The following KCNH4 variants were observed in gnomAD, a reference collection of about 807,000 sequenced individuals.
KCNH4 encodes potassium voltage-gated channel subfamily H member 4.
A neutral mutation model predicts 90.7 loss-of-function variants in KCNH4; 33 were observed. The observed-to-expected ratio is 0.36, with a 90% CI of 0.28 to 0.49. The LOEUF (loss-of-function observed/expected upper bound fraction) is 0.49. Ranked by LOEUF, KCNH4 falls within the 20% of genes least tolerant of loss-of-function variation. KCNH4 has a pLI of 0.98. For synonymous variants in KCNH4, 551 were observed against 581.7 expected, an observed-to-expected ratio of 0.95 and a Z score of 0.76; for missense variants, 1,044 against 1,387.1, an observed-to-expected ratio of 0.75 and a Z score of 3.93.
chr17:42,160,639 C>T (rs1385181453), intron 15 of KCNH4, among the ~76,000 whole-genome samples: 4 of 152,152 alleles, frequency 2.6e-5, no homozygotes, highest in Non-Finnish European at 5.9e-5. Context: ...TATTGCTATT[C>T]CTCCCCTACA....
rs538060804 is a variant in KCNH4 at position 42,180,489 on chromosome 17, G to A, written c.76+381C>T. On this transcript the variant is annotated intron_variant, in intron 1 of 16. Coordinates refer to ENST00000264661, the MANE Select transcript of KCNH4 (RefSeq NM_012285.3). The surrounding 1 kb of genome is among the most constrained non-coding windows in gnomAD (Gnocchi z 4.7). ...TTTTTTCTGGAGGTAGTGGGAGCTG[G>A]AGTCTGTGAGTAGACCCCAGAATGC... 6.6e-6 allele frequency among the ~76,000 whole-genome samples: 1 copy of A among 152,122 alleles called. No homozygotes were observed. The highest frequency in any genetic ancestry group is 1.5e-5 in the Non-Finnish European group (1 of 67,980).
In KCNH4 at chr17:42,165,630, T is replaced by A; in HGVS notation, c.1904A>T (p.Asp635Val). The change falls in exon 11 of 17, where the codon GAC becomes GTC. Residue 635 changes from aspartate to valine, a missense_variant. Asp to Val is a radical substitution (Grantham distance 152). Transcript: ENST00000264661. ...EPGQEPGLGADPNFVLKTSAD... is the reference protein window; with the variant it reads ...EPGQEPGLGAVPNFVLKTSAD... Reference sequence around the variant, plus strand: ...ACTGGTCTTTAGCACGAAGTTTGGGTCTGCTCCCAACCCAGGCTCCTGCCC... The same window carrying A: ...ACTGGTCTTTAGCACGAAGTTTGGGACTGCTCCCAACCCAGGCTCCTGCCC... The A allele has an allele frequency of 6.2e-7, 1 of 1,614,142 alleles. No homozygotes were observed.
At chr17:42,175,791 G>A (rs1485929563) in intron 5 of KCNH4, 55 bp from the exon 6 acceptor site, 54 of 1,596,678 alleles carry the variant, frequency 3.4e-5, no homozygotes, top group Non-Finnish European at 4.2e-5. Context: ...TCAAGAAACC[G>A]ACAAAGCTGG....
rs2079762167 is a variant in KCNH4, at chr17:42,163,387, G to A, written c.2478-53C>T. On this transcript the variant is annotated intron_variant, in intron 13 of 16. Coordinates refer to ENST00000264661, the MANE Select transcript of KCNH4 (RefSeq NM_012285.3). This position sits in a 1 kb window ranked among gnomAD's most constrained non-coding sequence, Gnocchi z 5.4. ...CCATGGGGTGAGGGTAAGGGCCAGA[G>A]CAGAGCAGACAGAGGGGGACTGGGG... 7.4e-7 allele frequency: 1 copy of A among 1,346,184 alleles called. No individual in the cohort carries two copies. The highest frequency in any genetic ancestry group is 1.1e-6 in the Non-Finnish European group (1 of 945,046). 83.4% of individuals were successfully genotyped at this position (1,346,184 alleles called of 1,614,324 possible).
Position 42,160,124 on chromosome 17 carries a change from T to C in KCNH4, c.2970A>G (p.Gly990=), listed in dbSNP as rs2079735003. Residue 990 remains glycine (G), a synonymous_variant, in exon 16 of 17, where the codon GGA becomes GGG. Coordinates refer to ENST00000264661, the MANE Select transcript of KCNH4 (RefSeq NM_012285.3). ...GTGAGGCCTCTGGCACTGGAGAGGG[T>C]CCCAGAGGGTCAGGCTCTGAGGGGT... ...PPYPSEPDPL[G]PSPVPEASPP... 3.1e-6 allele frequency: 5 copies of C among 1,603,268 alleles called. No individual in the cohort carries two copies. The highest frequency in any genetic ancestry group is 4.3e-6 in the Non-Finnish European group (5 of 1,173,968).
In KCNH4 at chr17:42,169,964, A is replaced by G; in HGVS notation, c.1390+143T>C. On this transcript the variant is annotated intron_variant, in intron 8 of 16. Coordinates refer to ENST00000264661, the MANE Select transcript of KCNH4 (RefSeq NM_012285.3). Reference sequence around the variant, plus strand: ...CAGGGCCAGCACATAGTGGGCACTCAGGAAACGTCCGTGAATGAATGCGTG... The same window carrying G: ...CAGGGCCAGCACATAGTGGGCACTCGGGAAACGTCCGTGAATGAATGCGTG... The G allele has an allele frequency of 1.5e-5, 14 of 914,234 alleles. No individual in the cohort carries two copies. In the South Asian group the frequency reaches 2.4e-4, roughly 16 times the overall value. 56.6% of individuals were successfully genotyped at this position (914,234 alleles called of 1,614,324 possible).
intron 1 of KCNH4, 125 bp from the exon 2 acceptor site, chr17:42,179,151 G>T (rs2079884817): frequency 1.5e-6 from 1 of 650,832 alleles, no homozygotes. Flanking sequence ...TTTCCATGTT[G>T]CTCCTGACCC....
intron 7 of KCNH4, 50 bp from the exon 8 acceptor site, chr17:42,170,351 A>G: frequency 1.3e-6 from 2 of 1,503,846 alleles, no homozygotes; most frequent in South Asian, 1.2e-5. Context: ...GCGGTGGAGA[A>G]CCAGGGTTCC....
At chr17:42,166,658 T>C in intron 9 of KCNH4, 112 bp from the exon 10 acceptor site, 1 of 1,372,156 alleles carries the variant, frequency 7.3e-7, no homozygotes, top group Non-Finnish European at 9.9e-7. Context: ...TGCTTTGAAG[T>C]CACCCATTCC....
rs751064047 is a variant in KCNH4 at position 42,163,962 on chromosome 17, C to G, written c.2125-4G>C. 2.8e-5 allele frequency: 43 copies of G among 1,530,318 alleles called. No individual in the cohort carries two copies. Among genetic ancestry groups the G allele is most frequent in the Non-Finnish European group, 3.7e-5 (42 of 1,139,324 alleles). The allele number at this position is 1,530,318 out of a possible 1,614,324, so 94.8% of individuals were successfully genotyped here. On this transcript the variant is annotated splice_polypyrimidine_tract_variant and splice_region_variant and intron_variant, in intron 12 of 16. Coordinates refer to ENST00000264661, the MANE Select transcript of KCNH4 (RefSeq NM_012285.3). This position sits in a 1 kb window ranked among gnomAD's most constrained non-coding sequence, Gnocchi z 5.4. ...AGCCGAGGCTTTCTGAGCGGGGCTG[C>G]GGGCAGAGGGGGCAGCTGATGTCGC...
In KCNH4 at chr17:42,170,147, G is replaced by C; in HGVS notation, c.1350C>G (p.Asp450Glu). 6.2e-7 allele frequency: 1 copy of C among 1,613,148 alleles called. No individual in the cohort carries two copies. Residue 450 changes from aspartate to glutamate, a missense_variant, in exon 8 of 17, where the codon GAC becomes GAG. Asp to Glu is a conservative substitution (Grantham distance 45). Coordinates refer to ENST00000264661, the MANE Select transcript of KCNH4 (RefSeq NM_012285.3). ...VGFGNVCANT[D>E]AEKIFSICTM... Reference sequence around the variant, plus strand: ...TGCAGATGGAGAAGATCTTCTCCGCGTCGGTGTTGGCACACACGTTGCCAA... The same window carrying C: ...TGCAGATGGAGAAGATCTTCTCCGCCTCGGTGTTGGCACACACGTTGCCAA...
At position 42,178,964 on chromosome 17, in the gene KCNH4, C is replaced by A. The variant is rs1470099665; in HGVS notation, c.139G>T (p.Asp47Tyr). The A allele has an allele frequency of 1.2e-6, 2 of 1,614,092 alleles. No individual in the cohort carries two copies. Among genetic ancestry groups the A allele is most frequent in the South Asian group, 1.1e-5 (1 of 91,088 alleles). ...TRGFPIVYCSDGFCELTGYGR... is the reference protein window; with the variant it reads ...TRGFPIVYCSYGFCELTGYGR... ...TAGCCTGTGAGCTCGCAGAAGCCGT[C>A]GGAGCAGTAGACGATGGGAAAGCCC... The change falls in exon 2 of 17, where the codon GAC becomes TAC. Residue 47 changes from aspartate to tyrosine, a missense_variant. By Grantham distance (160) the Asp-to-Tyr change is radical (BLOSUM62 -3). Transcript: ENST00000264661.
Position 42,160,088 on chromosome 17 carries a change from T to C in KCNH4, c.3006A>G (p.Pro1002=), listed in dbSNP as rs747301300. The C allele has an allele frequency of 1.3e-6, 2 of 1,560,358 alleles. No homozygotes were observed. The highest frequency in any genetic ancestry group is 2.3e-5 in the East Asian group (1 of 44,308). ...SPVPEASPPT[P]SLLRHSFQSR... is the part of the protein sequence containing the mutation. ...ACTGGAAACTGTGCCTCAAGAGGCTTGGGGTTGGGGGTGAGGCCTCTGGCA... is the reference window on the plus strand; with the variant it reads ...ACTGGAAACTGTGCCTCAAGAGGCTCGGGGTTGGGGGTGAGGCCTCTGGCA... The change falls in exon 16 of 17, where the codon CCA becomes CCG. Residue 1002 remains proline, a synonymous_variant. Transcript: ENST00000264661.
At chr17:42,164,287 G>C (rs904478892) in intron 11 of KCNH4, 119 bp from the exon 12 acceptor site, 2 of 893,930 alleles carry the variant, frequency 2.2e-6, no homozygotes, top group Admixed American at 3.2e-5. Flanking sequence ...TTGTGGAGCT[G>C]AGTCAGAAAC....
rs534507590 is a variant in KCNH4, at chr17:42,160,031, G to C, written c.*9C>G. The C allele has an allele frequency of 1.3e-6, 2 of 1,510,062 alleles. No homozygotes were observed. The highest frequency in any genetic ancestry group is 2.2e-5 in the Admixed American group (1 of 45,198). The allele number at this position is 1,510,062 out of a possible 1,614,324, so 93.5% of individuals were successfully genotyped here. A position where few individuals can be genotyped will look rare whatever the true frequency, so the allele number is the denominator to read the frequency against. On this transcript the variant is annotated 3_prime_UTR_variant, in exon 16 of 17. Coordinates refer to ENST00000264661, the MANE Select transcript of KCNH4 (RefSeq NM_012285.3). ...CCCACCCCAGACAGGCCTGGGCCCT[G>C]GGCCAGGGTCAGTGGAACGTGTCTG...
chr17:42,169,603 G>A lies in KCNH4; in HGVS notation c.1464C>T (p.Tyr488=). 1 of 1,614,026 alleles carries A rather than the reference G, an allele frequency of 6.2e-7. No homozygotes were observed. Among genetic ancestry groups the A allele is most frequent in the Non-Finnish European group, 8.5e-7 (1 of 1,179,996 alleles). Residue 488 remains tyrosine, a synonymous_variant, in exon 9 of 17, where the codon TAC becomes TAT. Transcript: ENST00000264661. The stretch of plus-strand genomic sequence containing the variant: ...CCTTGAGGTCCTTCATGCGGCTGTG[G>A]TAGAGCGAGCGGCGCGAGTACATGC... The part of the protein sequence containing the change: ...IQRMYSRRSL[Y]HSRMKDLKDF...
chr17:42,158,878 C>G (rs924108145), intron 16 of KCNH4, among the ~76,000 whole-genome samples: 120 of 151,702 alleles, frequency 7.9e-4, no homozygotes, highest in African/African-American at 2.8e-3. Context: ...GAGATAGGGT[C>G]TCGCTATGTT....
At chr17:42,174,064 T>C (rs913242261) in intron 6 of KCNH4, among the ~76,000 whole-genome samples, 1 of 152,060 alleles carries the variant, frequency 6.6e-6, no homozygotes, top group Non-Finnish European at 1.5e-5. Context: ...CTCAAGCAAT[T>C]CTTGTACCTC....
chr17:42,158,969 C>T (rs756686890), intron 16 of KCNH4, among the ~76,000 whole-genome samples: 1 of 152,056 alleles, frequency 6.6e-6, no homozygotes, highest in Non-Finnish European at 1.5e-5. Flanking sequence ...TAGGCATGAA[C>T]CACTGTGCCC....
Sources: allele counts gnomAD v4.1 joint callset (sites outside exome capture counted in the v4.1 genomes callset), GRCh38; gene constraint gnomAD v4.1.1; non-coding constraint Gnocchi (gnomAD v3.1); transcripts MANE v1.5; gene names NCBI Gene and HGNC (gene_info 2026-07-23, HGNC 2026-07-21).